The following LDLRAD4 variants were observed in gnomAD, a reference collection of about 807,000 sequenced individuals.
LDLRAD4 encodes low density lipoprotein receptor class A domain containing 4.
A neutral mutation model predicts 17.0 loss-of-function variants in LDLRAD4; 5 were observed. The ratio of observed to expected loss-of-function variants is 0.29; its 90% CI spans 0.15 to 0.62. LDLRAD4 has a LOEUF of 0.62. Ranked by LOEUF, LDLRAD4 falls within the 20% of genes least tolerant of loss-of-function variation. LDLRAD4 has a pLI of 0.84. For synonymous variants in LDLRAD4, 168 were observed against 171.8 expected, an observed-to-expected ratio of 0.98 and a Z score of 0.17; for missense variants, 340 against 424.7, an observed-to-expected ratio of 0.80 and a Z score of 1.75.
At chr18:13,242,941 G>A (rs2042737043) in intron 1 of LDLRAD4, among the ~76,000 whole-genome samples, 2 of 151,982 alleles carry the variant, frequency 1.3e-5, no homozygotes, top group South Asian at 4.1e-4. Flanking sequence ...ATCTGTGCTG[G>A]CAGGAGCTTT....
rs554843685 is a variant in LDLRAD4, at chr18:13,227,075, A to G, written c.-467+8087A>G. Reference sequence around the variant, plus strand: ...TGCAGACAGAAAATTCATGATGGGCAGACAGAAAATTCATGATCCTCCATA... The same window carrying G: ...TGCAGACAGAAAATTCATGATGGGCGGACAGAAAATTCATGATCCTCCATA... On this transcript the variant is annotated intron_variant, in intron 1 of 5. Coordinates refer to the LDLRAD4 transcript ENST00000399848. Among the ~76,000 whole-genome samples the G allele has an allele frequency of 2.0e-5, 3 of 152,322 alleles. No individual in the cohort carries two copies. In the South Asian group the frequency reaches 6.2e-4, roughly 32 times the overall value.
intron 3 of LDLRAD4, among the ~76,000 whole-genome samples, chr18:13,492,237 A>C (rs2093373919): frequency 6.6e-6 from 1 of 152,218 alleles, no homozygotes; most frequent in South Asian, 2.1e-4. Context: ...GTGGCCTGCC[A>C]CAGGACTCAT....
intron 3 of LDLRAD4, among the ~76,000 whole-genome samples, chr18:13,445,623 G>C (rs578025783): frequency 5.6e-4 from 80 of 144,088 alleles, no homozygotes; most frequent in African/African-American, 2.0e-3. Flanking sequence ...GTGTGTGTGC[G>C]TGTGTGTGTG....
At chr18:13,374,370 G>A (rs2084745829) in intron 1 of LDLRAD4, among the ~76,000 whole-genome samples, 1 of 152,238 alleles carries the variant, frequency 6.6e-6, no homozygotes, top group African/African-American at 2.4e-5. Context: ...TCTGTCCATT[G>A]TTGGTCTGTG....
At chr18:13,530,313 T>G (rs59219310) in intron 3 of LDLRAD4, among the ~76,000 whole-genome samples, 2 of 152,082 alleles carry the variant, frequency 1.3e-5, no homozygotes, top group African/African-American at 4.8e-5. Flanking sequence ...AAAACAACAT[T>G]GGATTCTAAA....
intron 3 of LDLRAD4, among the ~76,000 whole-genome samples, chr18:13,588,224 T>C (rs1277734270): frequency 1.3e-5 from 2 of 152,264 alleles, no homozygotes; most frequent in African/African-American, 4.8e-5. Context: ...GTGGTCTCAC[T>C]GTGCGTGGGT....
At chr18:13,432,252 A>G (rs1448287141) in intron 2 of LDLRAD4, among the ~76,000 whole-genome samples, 1 of 152,178 alleles carries the variant, frequency 6.6e-6, no homozygotes, top group Non-Finnish European at 1.5e-5. Flanking sequence ...CATTTCTGAA[A>G]ACTCTCAAAG....
chr18:13,558,115 T>G (rs771971935), intron 3 of LDLRAD4, among the ~76,000 whole-genome samples: 1 of 152,248 alleles, frequency 6.6e-6, no homozygotes, highest in African/African-American at 2.4e-5. Context: ...TTGCCAAATT[T>G]ATCTTCATGT....
intron 1 of LDLRAD4, among the ~76,000 whole-genome samples, chr18:13,317,579 C>T (rs921807475): frequency 4.6e-5 from 7 of 152,166 alleles, no homozygotes; most frequent in South Asian, 2.1e-4. Context: ...GTCTATTTTC[C>T]GTGGGTGCCA....
At position 13,444,381 on chromosome 18, in the gene LDLRAD4, A is replaced by T. The variant is rs79238264; in HGVS notation, c.181+5997A>T. On this transcript the variant is annotated intron_variant, in intron 3 of 5. Coordinates refer to ENST00000359446, the Ensembl canonical transcript of LDLRAD4. ...CCTTCTCTTCCTTATGATCTTTCTTAACATTTTCTTTTCTCTAGCTTGCTT... is the reference window on the plus strand; with the variant it reads ...CCTTCTCTTCCTTATGATCTTTCTTTACATTTTCTTTTCTCTAGCTTGCTT... Among the ~76,000 whole-genome samples the T allele has an allele frequency of 1.5e-4, 23 of 152,292 alleles. No homozygotes were observed. The East Asian group carries it at 4.2e-3, about 28-fold the overall frequency.
upstream of LDLRAD4, among the ~76,000 whole-genome samples, chr18:13,218,577 G>A (rs2041272946): frequency 6.6e-6 from 1 of 152,142 alleles, no homozygotes; most frequent in African/African-American, 2.4e-5. Context: ...TGACCGGGGA[G>A]TTTGCGGGAA....
chr18:13,479,686 C>T (rs573975223), intron 3 of LDLRAD4, among the ~76,000 whole-genome samples: 1 of 152,106 alleles, frequency 6.6e-6, no homozygotes, highest in African/African-American at 2.4e-5. Flanking sequence ...CAGAGACAAT[C>T]TGATAATGGA....
intron 3 of LDLRAD4, among the ~76,000 whole-genome samples, chr18:13,572,579 G>A (rs948868970): frequency 3.9e-5 from 6 of 152,206 alleles, no homozygotes; most frequent in African/African-American, 4.8e-5. Context: ...GTAAGAAACC[G>A]CAGAAGGAAA....
intron 3 of LDLRAD4, among the ~76,000 whole-genome samples, chr18:13,485,807 A>T (rs1209670239): frequency 6.6e-6 from 1 of 152,216 alleles, no homozygotes; most frequent in Non-Finnish European, 1.5e-5. Flanking sequence ...TGAGCCCAGG[A>T]GTTTGAAGCT....
chr18:13,472,930 G>A (rs557268757), intron 3 of LDLRAD4, among the ~76,000 whole-genome samples: 4 of 152,284 alleles, frequency 2.6e-5, no homozygotes, highest in Non-Finnish European at 5.9e-5. Context: ...TTTTGCAAAC[G>A]TTAGAAGATA....
chr18:13,422,641 T>TGAGCCA (rs1447024161), intron 2 of LDLRAD4, among the ~76,000 whole-genome samples: 2 of 152,032 alleles, frequency 1.3e-5, no homozygotes, highest in African/African-American at 4.8e-5. Context: ...GAGGCTGCAG[T>TGAGCCA]GAGCCACGAT....
intron 1 of LDLRAD4, among the ~76,000 whole-genome samples, chr18:13,327,581 T>G (rs1477773888): frequency 6.7e-6 from 1 of 149,260 alleles, no homozygotes; most frequent in African/African-American, 2.5e-5. Context: ...GTGCGTGTAT[T>G]TTTTTTTTTA....
In LDLRAD4 at chr18:13,321,899, A is replaced by G. The variant is rs1421216511; in HGVS notation, c.-383+43711A>G. On this transcript the variant is annotated intron_variant, in intron 1 of 5. Coordinates refer to ENST00000359446, the Ensembl canonical transcript of LDLRAD4. ...AAAAAAAAAAAAAAAAAAAAAAAAA[A>G]AAAGAAAAGAAAAAGAATAAAAAGA... is the stretch of plus-strand genomic sequence containing the variant. 6.0e-5 allele frequency among the ~76,000 whole-genome samples: 7 copies of G among 117,478 alleles called. 1 individual carries two copies. Among genetic ancestry groups the G allele is most frequent in the African/African-American group, 2.1e-4 (6 of 28,336 alleles). The allele number at this position is 117,478 out of a possible 152,430, so 77.1% of individuals were successfully genotyped here. A position where few individuals can be genotyped will look rare whatever the true frequency, so the allele number is the denominator to read the frequency against.
chr18:13,642,620 C>T, intron 4 of LDLRAD4: 2 of 1,230,558 alleles, frequency 1.6e-6, no homozygotes, highest in Non-Finnish European at 2.0e-6. Flanking sequence ...CGCGGACTTG[C>T]GCCTCTGCTG....
Sources: gnomAD v4.1 joint callset for allele counts (sites outside exome capture counted in the v4.1 genomes callset) on GRCh38, gnomAD v4.1.1 for gene constraint, MANE v1.5 for transcripts, NCBI Gene and HGNC (gene_info 2026-07-23, HGNC 2026-07-21) for gene names.